The following TRIM4 variants were observed in gnomAD, a reference collection of about 807,000 sequenced individuals.
TRIM4 encodes E3 ubiquitin-protein ligase TRIM4.
In TRIM4, 29 loss-of-function variants were observed where a neutral mutation model predicts 33.7. The ratio of observed to expected loss-of-function variants is 0.86; its 90% confidence interval spans 0.64 to 1.17. The LOEUF (loss-of-function observed/expected upper bound fraction) is 1.17, where lower values mean the gene tolerates loss of function less well. TRIM4 is among the 50% of genes most tolerant of loss of function. The pLI, the probability that TRIM4 is intolerant of heterozygous loss-of-function variation, is 0.00. For synonymous variants in TRIM4, 224 were observed against 233.0 expected (o/e 0.96, Z 0.35); for missense variants, 554 against 593.7 (o/e 0.93, Z 0.69).
At chr7:99,911,305 G>C (rs898062797) in intron 1 of TRIM4, among the ~76,000 whole-genome samples, 1 of 152,156 alleles carries the variant, frequency 6.6e-6, no homozygotes, top group Non-Finnish European at 1.5e-5. Context: ...AGAAGCTAAG[G>C]TGAGCAGTTG....
rs1424872324 is a variant in TRIM4, at chr7:99,919,458, G to A, written c.-57C>T. 65 of 1,439,862 alleles carry A rather than the reference G, an allele frequency of 4.5e-5. No homozygotes were observed. The East Asian group carries it at 1.9e-3, about 41-fold the overall frequency. 89.2% of individuals were successfully genotyped at this position (1,439,862 alleles called of 1,614,324 possible). A position where few individuals can be genotyped will look rare whatever the true frequency, so the allele number is the denominator to read the frequency against. ...CGTGAGGCGCGGGAGAGGCCAGCAA[G>A]CTGCGAGCGGCCGCGGGGAGGCCAG... On this transcript the variant is annotated 5_prime_UTR_variant, in exon 1 of 6. Transcript: ENST00000349062.
chr7:99,908,516 A>T, intron 3 of TRIM4, 66 bp downstream of exon 3: 1 of 1,277,120 alleles, frequency 7.8e-7, no homozygotes, highest in Non-Finnish European at 1.1e-6. Flanking sequence ...AAGGACATTC[A>T]GCTCTAAAGA....
At chr7:99,915,014 T>C (rs1261547070) in intron 1 of TRIM4, among the ~76,000 whole-genome samples, 1 of 152,084 alleles carries the variant, frequency 6.6e-6, no homozygotes, top group Non-Finnish European at 1.5e-5. Context: ...TTCACCATGT[T>C]GGCCAGGCTG....
chr7:99,905,189 G>T (rs1204749532), intron 3 of TRIM4, among the ~76,000 whole-genome samples: 2 of 152,086 alleles, frequency 1.3e-5, no homozygotes, highest in Non-Finnish European at 2.9e-5. Flanking sequence ...TAAAGTTAAA[G>T]AACTGACAAA....
At chr7:99,897,190 A>G (rs992589362) in intron 5 of TRIM4, among the ~76,000 whole-genome samples, 1 of 152,186 alleles carries the variant, frequency 6.6e-6, no homozygotes, top group Non-Finnish European at 1.5e-5. Flanking sequence ...ATGAGTCCAT[A>G]GAGGTTCCCA....
At position 99,894,604 on chromosome 7, in the gene TRIM4, T is replaced by C. The variant is rs1584259676; in HGVS notation, c.842-1858A>G. 3.3e-5 allele frequency among the ~76,000 whole-genome samples: 5 copies of C among 151,146 alleles called. No individual in the cohort carries two copies. The South Asian group carries it at 1.0e-3, about 32-fold the overall frequency. ...ATCACTTGAACCTGGGAGGTGGAGG[T>C]TGCAGTAAGCTGAGATTGCACCACT... is the stretch of plus-strand genomic sequence containing the variant. On this transcript the variant is annotated intron_variant, in intron 5 of 5. Transcript: ENST00000349062.
chr7:99,919,033 G>C lies in TRIM4; in HGVS notation c.369C>G (p.Ile123Met), dbSNP rs746597075. Residue 123 changes from isoleucine (I) to methionine (M), a missense_variant, in exon 1 of 6, where the codon ATC becomes ATG. Transcript: ENST00000349062. ...CCCGGTAGCTCTCGAAGGCCTCGTC[G>C]ATGGGTGCCATGGCGTGAGTCTGGT... ...QEHQTHAMAP[I>M]DEAFESYREK... is the part of the protein sequence containing the mutation. The C allele has an allele frequency of 6.3e-7, 1 of 1,588,706 alleles. No individual in the cohort carries two copies. Among genetic ancestry groups the C allele is most frequent in the South Asian group, 1.1e-5 (1 of 87,586 alleles).
intron 5 of TRIM4, among the ~76,000 whole-genome samples, chr7:99,896,029 T>C (rs866074732): frequency 6.6e-6 from 1 of 152,300 alleles, no homozygotes. Flanking sequence ...TGATTATTAG[T>C]ATGATTAGAT....
rs181415983 is a variant in TRIM4 at position 99,918,367 on chromosome 7, G to A, written c.393+642C>T. Among the ~76,000 whole-genome samples the A allele has an allele frequency of 2.0e-3, 300 of 152,272 alleles. 2 individuals carry two copies. Among genetic ancestry groups the A allele is most frequent in the Middle Eastern group, 3.4e-3 (1 of 294 alleles). On this transcript the variant is annotated intron_variant, in intron 1 of 5. Coordinates refer to ENST00000349062, the MANE Select transcript of TRIM4 (RefSeq NM_033091.3). ...AGATCACTTGAGGTCAGCAGTTCGAGACCAGCCTGGCCAAGATGGTGAAAC... is the reference window on the plus strand; with the variant it reads ...AGATCACTTGAGGTCAGCAGTTCGAAACCAGCCTGGCCAAGATGGTGAAAC...
At chr7:99,893,210 T>C (rs933718424) in intron 5 of TRIM4, among the ~76,000 whole-genome samples, 5 of 152,066 alleles carry the variant, frequency 3.3e-5, no homozygotes, top group Non-Finnish European at 7.3e-5. Flanking sequence ...GAGGTTGTAG[T>C]GACCCGAGAT....
intron 1 of TRIM4, 81 bp from the exon 2 acceptor site, chr7:99,909,741 T>G (rs1819397791): frequency 1.1e-5 from 14 of 1,246,556 alleles, no homozygotes; most frequent in Non-Finnish European, 8.8e-6. Context: ...TTTTTTTTTT[T>G]TTTTTTTTTG....
At chr7:99,909,429 G>A (rs1449534387) in intron 2 of TRIM4, 136 bp downstream of exon 2, 23 of 637,734 alleles carry the variant, frequency 3.6e-5, no homozygotes, top group Middle Eastern at 5.1e-4. Context: ...TGATATGGAG[G>A]AAACAGAGGT....
At chr7:99,914,455 C>T (rs1819508469) in intron 1 of TRIM4, among the ~76,000 whole-genome samples, 1 of 152,112 alleles carries the variant, frequency 6.6e-6, no homozygotes, top group Admixed American at 6.5e-5. Context: ...CACACCTGGC[C>T]TTGGAATAAC....
In TRIM4 at chr7:99,903,605, AAAG is replaced by A. The variant is rs1422310465; in HGVS notation, c.721-10_721-8del. ...TCAACACTTCTTTTGGATTCTGTGA[AAAG>A]AAGGAAGACATAAGCAAATTACGAA... On this transcript the variant is annotated splice_region_variant and splice_polypyrimidine_tract_variant and intron_variant, in intron 3 of 5. Transcript: ENST00000349062. 2.5e-6 allele frequency: 4 copies of A among 1,614,096 alleles called. No homozygotes were observed. Among genetic ancestry groups the A allele is most frequent in the East Asian group, 2.2e-5 (1 of 44,902 alleles).
rs1034165912 is a variant in TRIM4, at chr7:99,890,903, C to T, written c.*1260G>A. 1 of 152,230 alleles carries T rather than the reference C, an allele frequency of 6.6e-6. No homozygotes were observed. Among genetic ancestry groups the T allele is most frequent in the African/African-American group, 2.4e-5 (1 of 41,458 alleles). The allele number at this position is 152,230 out of a possible 1,614,324, so 9.4% of individuals were successfully genotyped here. ...TTAAAATAAAATCCTCGTTAAATCACTGCCTGAAAGTCTTTACTGAAAATC... is the reference window on the plus strand; with the variant it reads ...TTAAAATAAAATCCTCGTTAAATCATTGCCTGAAAGTCTTTACTGAAAATC... On this transcript the variant is annotated 3_prime_UTR_variant, in exon 6 of 6. Coordinates refer to ENST00000349062, the MANE Select transcript of TRIM4 (RefSeq NM_033091.3).
chr7:99,893,033 G>C (rs1157164664), intron 5 of TRIM4, among the ~76,000 whole-genome samples: 2 of 152,158 alleles, frequency 1.3e-5, no homozygotes, highest in African/African-American at 4.8e-5. Flanking sequence ...GAGATCACTG[G>C]AGGTCACGAG....
intron 5 of TRIM4, chr7:99,902,147 T>C (rs761770222): frequency 2.6e-6 from 2 of 765,280 alleles, no homozygotes; most frequent in Non-Finnish European, 4.8e-6. Flanking sequence ...ATTGTGCCTG[T>C]TTTGTTTTTG....
At chr7:99,912,446 G>A (rs894269996) in intron 1 of TRIM4, among the ~76,000 whole-genome samples, 2 of 151,228 alleles carry the variant, frequency 1.3e-5, no homozygotes, top group Non-Finnish European at 2.9e-5. Context: ...CATGAGAATC[G>A]CTTGAACCCA....
intron 5 of TRIM4, chr7:99,901,152 T>C (rs1339366593): frequency 2.0e-5 from 3 of 152,220 alleles, no homozygotes; most frequent in African/African-American, 4.8e-5. Context: ...ATTCTGTGTA[T>C]GTTTCATTTT....
Sources: gnomAD v4.1 joint callset for allele counts (sites outside exome capture counted in the v4.1 genomes callset) on GRCh38, gnomAD v4.1.1 for gene constraint, MANE v1.5 for transcripts, NCBI Gene and HGNC (gene_info 2026-07-23, HGNC 2026-07-21) for gene names.